PPARG: variants seen among roughly 807,000 people sequenced by gnomAD.
The protein encoded by PPARG is peroxisome proliferator activated receptor gamma.
PPARG carries 17 observed loss-of-function variants against 39.2 expected under a neutral mutation model. The ratio of observed to expected loss-of-function variants is 0.43; its 90% CI spans 0.30 to 0.65. The LOEUF is 0.65. Among genes scored for constraint, PPARG ranks in the 30% least tolerant of loss-of-function variants. The probability of loss-of-function intolerance (pLI) is 0.13; values close to 1 mark genes in which losing one functional copy is unlikely to be tolerated. For synonymous variants in PPARG, 223 were observed against 215.7 expected, an observed-to-expected ratio of 1.03 and a Z score of -0.30; for missense variants, 406 against 585.9, an observed-to-expected ratio of 0.69 and a Z score of 3.17.
At chr3:12,358,684 G>A (rs1169344612) in intron 2 of PPARG, among the ~76,000 whole-genome samples, 2 of 152,146 alleles carry the variant, frequency 1.3e-5, no homozygotes, top group Admixed American at 6.5e-5. Context: ...AAGTGAGTTT[G>A]ATAATGGGTT....
chr3:12,420,855 A>C (rs2051236766), intron 7 of PPARG, among the ~76,000 whole-genome samples: 6 of 152,130 alleles, frequency 3.9e-5, no homozygotes, highest in Admixed American at 3.9e-4. Context: ...CTCTCAAACC[A>C]AGCTGCTGAG....
At chr3:12,321,135 G>A (rs987578174) in intron 2 of PPARG, among the ~76,000 whole-genome samples, 2 of 152,154 alleles carry the variant, frequency 1.3e-5, no homozygotes, top group Admixed American at 6.5e-5. Flanking sequence ...TATGCTTAAT[G>A]GCAGCAGTCA....
chr3:12,305,673 A>G (rs940886445), intron 1 of PPARG: 16 of 152,232 alleles, frequency 1.1e-4, no homozygotes, highest in African/African-American at 3.1e-4. Flanking sequence ...TGCTCAACAA[A>G]TAATTGTTGC....
chr3:12,379,582 G>C, intron 2 of PPARG, 122 bp from the exon 3 acceptor site: 1 of 867,468 alleles, frequency 1.2e-6, no homozygotes, highest in Non-Finnish European at 1.9e-6. Flanking sequence ...CTTTTCTGTT[G>C]TTGTGAGCGC....
chr3:12,379,782 A>T lies in PPARG; in HGVS notation c.71A>T (p.Glu24Val). ...AGCTCCGTGGATCTCTCCGTAATGG[A>T]AGACCACTCCCACTCCTTTGATATC... ...GISSVDLSVM[E>V]DHSHSFDIKP... Residue 24 changes from glutamate to valine, a missense_variant, in exon 3 of 8, where the codon GAA (glutamate) becomes GTA (valine). Glu to Val is a moderately radical substitution (Grantham distance 121). Around this residue, in one of 2 missense-constraint regions of PPARG, gnomAD observed 131 missense variants for 127.9 expected, o/e 1.02. Transcript: ENST00000651735. 6.2e-7 allele frequency: 1 copy of T among 1,614,020 alleles called. No individual in the cohort carries two copies. Among genetic ancestry groups the T allele is most frequent in the Non-Finnish European group, 8.5e-7 (1 of 1,179,946 alleles).
At chr3:12,377,097 C>T (rs4135258) in intron 2 of PPARG, among the ~76,000 whole-genome samples, 3,729 of 152,208 alleles carry the variant, frequency 0.024, 63 homozygotes, top group South Asian at 0.062. Flanking sequence ...TCTGCACCCT[C>T]GGTGGCTCAC....
chr3:12,307,076 C>T (rs942232611), intron 1 of PPARG, among the ~76,000 whole-genome samples: 5 of 118,846 alleles, frequency 4.2e-5, no homozygotes, highest in Admixed American at 1.1e-4. Flanking sequence ...CCAGCCTGGG[C>T]GACAGTGCAA....
chr3:12,374,170 G>C (rs2049323236), intron 2 of PPARG, among the ~76,000 whole-genome samples: 1 of 152,168 alleles, frequency 6.6e-6, no homozygotes, highest in Non-Finnish European at 1.5e-5. Context: ...CTTACTAGTA[G>C]AGGACAGCAA....
rs111752558 is a variant in PPARG at position 12,310,556 on chromosome 3, T to C, written c.-82-1824T>C. 4.5e-3 allele frequency among the ~76,000 whole-genome samples: 399 copies of C among 88,492 alleles called. 36 individuals are homozygous for C. Among genetic ancestry groups the C allele is most frequent in the African/African-American group, 0.014 (364 of 26,322 alleles). 58.1% of individuals were successfully genotyped at this position (88,492 alleles called of 152,430 possible). A position where few individuals can be genotyped will look rare whatever the true frequency, so the allele number is the denominator to read the frequency against. On this transcript the variant is annotated intron_variant, in intron 1 of 7. Transcript: ENST00000651735. Reference sequence around the variant, plus strand: ...TCGGCTCACTGCAAGCTCCGCCTCCTGGGTTCACGCCATTCTCCTGCCTCA... The same window carrying C: ...TCGGCTCACTGCAAGCTCCGCCTCCCGGGTTCACGCCATTCTCCTGCCTCA...
chr3:12,412,261 T>G (rs1181018383), intron 6 of PPARG, among the ~76,000 whole-genome samples: 2 of 152,148 alleles, frequency 1.3e-5, no homozygotes, highest in Non-Finnish European at 2.9e-5. Context: ...TACTGTTCTA[T>G]TTCTCCATTC....
chr3:12,346,091 C>A (rs1264969713), intron 2 of PPARG, among the ~76,000 whole-genome samples: 1 of 152,148 alleles, frequency 6.6e-6, no homozygotes, highest in Admixed American at 6.6e-5. Context: ...ACAGTAATTT[C>A]AAAAGTGTTT....
chr3:12,325,105 G>A (rs1396508549), intron 2 of PPARG, among the ~76,000 whole-genome samples: 1 of 152,044 alleles, frequency 6.6e-6, no homozygotes, highest in Non-Finnish European at 1.5e-5. Flanking sequence ...TGGCCAATAT[G>A]GTGAGACCCC....
intron 2 of PPARG, among the ~76,000 whole-genome samples, chr3:12,347,903 G>A (rs1356728436): frequency 6.6e-6 from 1 of 152,146 alleles, no homozygotes. Context: ...CCTTTTAGAA[G>A]CTAGCATAAA....
chr3:12,379,564 GTTATGTT>G (rs2049547023), intron 2 of PPARG, 133 bp from the exon 3 acceptor site: 1 of 748,764 alleles, frequency 1.3e-6, no homozygotes, highest in Non-Finnish European at 2.3e-6. Context: ...TAAGAAGGTG[GTTATGTT>G]CTTTTCTGTT....
At chr3:12,317,348 A>G (rs1476020539) in intron 2 of PPARG, among the ~76,000 whole-genome samples, 5 of 152,236 alleles carry the variant, frequency 3.3e-5, no homozygotes, top group Non-Finnish European at 1.5e-5. Flanking sequence ...TTTAAAATAA[A>G]AAGATCACAA....
At chr3:12,373,743 C>T (rs1300806847) in intron 2 of PPARG, among the ~76,000 whole-genome samples, 1 of 151,980 alleles carries the variant, frequency 6.6e-6, no homozygotes, top group Non-Finnish European at 1.5e-5. Context: ...GACTGGAAGT[C>T]TAATGGTGGA....
chr3:12,411,134 C>A (rs1276286611), intron 6 of PPARG, among the ~76,000 whole-genome samples: 2 of 152,084 alleles, frequency 1.3e-5, no homozygotes, highest in African/African-American at 4.8e-5. Flanking sequence ...AGATCTAAAC[C>A]AGTGTGTTCT....
At chr3:12,353,788 C>T (rs2048568578) in intron 2 of PPARG, among the ~76,000 whole-genome samples, 1 of 152,144 alleles carries the variant, frequency 6.6e-6, no homozygotes, top group Non-Finnish European at 1.5e-5. Flanking sequence ...TCAAGAGCTC[C>T]TCAAGCAACC....
intron 6 of PPARG, among the ~76,000 whole-genome samples, chr3:12,413,816 CA>C (rs10575755): frequency 0.11 from 6,502 of 60,982 alleles, 368 homozygotes; most frequent in African/African-American, 0.23. Context: ...AACTCCATCT[CA>C]AAAAAAAAAA....
Sources: gnomAD v4.1 joint callset for allele counts (sites outside exome capture counted in the v4.1 genomes callset) on GRCh38, gnomAD v4.1.1 for gene constraint, gnomAD v4.1.1 regional missense constraint, MANE v1.5 for transcripts, NCBI Gene and HGNC (gene_info 2026-07-23, HGNC 2026-07-21) for gene names.